SYNE4: variants seen among roughly 807,000 people sequenced by gnomAD.
SYNE4 encodes the protein spectrin repeat containing nuclear envelope family member 4.
A neutral mutation model predicts 46.9 loss-of-function variants in SYNE4; 41 were observed. The ratio of observed to expected loss-of-function variants is 0.87; its 90% CI spans 0.68 to 1.13. The LOEUF is 1.13. SYNE4 is among the 50% of genes most tolerant of loss of function. SYNE4 has a pLI of 0.00. For synonymous variants in SYNE4, 221 were observed against 219.5 expected (o/e 1.01, Z -0.06); for missense variants, 492 against 514.8 (o/e 0.96, Z 0.43).
At position 36,007,217 on chromosome 19, in the gene SYNE4, G is replaced by A. The variant is rs1243412433; in HGVS notation, c.331C>T (p.Leu111=). 4 of 1,589,122 alleles carry A rather than the reference G, an allele frequency of 2.5e-6. No individual in the cohort carries two copies. The Admixed American group carries it at 7.2e-5, about 28-fold the overall frequency. Residue 111 remains leucine (L), a synonymous_variant, in exon 3 of 8, where the codon CTG becomes TTG. Coordinates refer to ENST00000324444, the MANE Select transcript of SYNE4 (RefSeq NM_001039876.3). ...VLEAEQNSLH[L]CLLGLGRRLQ... ...CGGCGGCCCAGCCCCAGCAGGCACA[G>A]GTGCAGGCTGTTCTGCTCAGCCTCT... is the stretch of plus-strand genomic sequence containing the variant.
chr19:36,007,737 A>G (rs555344618), intron 2 of SYNE4, among the ~76,000 whole-genome samples: 5 of 152,050 alleles, frequency 3.3e-5, no homozygotes, highest in African/African-American at 1.2e-4. Context: ...ATAAAAAAGA[A>G]ATATGGCTGG....
chr19:36,005,467 G>A (rs1227522423), intron 5 of SYNE4, 30 bp from the exon 6 acceptor site: 2 of 1,607,634 alleles, frequency 1.2e-6, no homozygotes, highest in Non-Finnish European at 1.7e-6. Context: ...GAAAAACGTG[G>A]TTGGGGGAGG....
chr19:36,008,432 C>A (rs1361094115), intron 1 of SYNE4, 65 bp from the exon 2 acceptor site: 1 of 1,579,360 alleles, frequency 6.3e-7, no homozygotes, highest in Non-Finnish European at 8.6e-7. Context: ...ACCGTCACCC[C>A]AACCCTGGTG....
At chr19:36,006,712 G>A (rs1976864438) in intron 4 of SYNE4, 38 bp downstream of exon 4, 1 of 1,590,022 alleles carries the variant, frequency 6.3e-7, no homozygotes, top group Admixed American at 1.7e-5. Context: ...ATGAGGTTGG[G>A]GCCTGGGTTG....
In SYNE4 at chr19:36,003,646, TGAG is replaced by T. The variant is rs1438579405; in HGVS notation, c.995_997del (p.Pro332del). On this transcript the variant is annotated inframe_deletion, in exon 7 of 8. Coordinates refer to ENST00000324444, the MANE Select transcript of SYNE4 (RefSeq NM_001039876.3). ...CCCCTCCAGCCTCACATCCTGGAGA[TGAG>T]GAGATGCTTGCCTCTTCTTGTCCTA... 2.5e-6 allele frequency: 4 copies of T among 1,613,288 alleles called. No individual in the cohort carries two copies. Among genetic ancestry groups the T allele is most frequent in the South Asian group, 2.2e-5 (2 of 90,750 alleles).
At chr19:36,005,218 C>T (rs1415048318) in intron 6 of SYNE4, 115 bp downstream of exon 6, 9 of 1,032,752 alleles carry the variant, frequency 8.7e-6, no homozygotes, top group South Asian at 7.4e-5. Flanking sequence ...TGGACCTTTC[C>T]ATTACTTTTT....
Position 36,006,881 on chromosome 19 carries a change from C to A in SYNE4, c.487G>T (p.Gly163Trp). 1 of 1,567,858 alleles carries A rather than the reference C, an allele frequency of 6.4e-7. No homozygotes were observed. Among genetic ancestry groups the A allele is most frequent in the Non-Finnish European group, 8.6e-7 (1 of 1,157,008 alleles). Residue 163 changes from glycine to tryptophan, a missense_variant, in exon 4 of 8, where the codon GGG becomes TGG. Transcript: ENST00000324444. ...CTGGGCTCACTCCGCTGTGCCAGCC[C>A]CTCACCAAACGCTAGCAGCGCCTCC... ...RVEALLAFGE[G>W]LAQRSEPRAW...
In SYNE4 at chr19:36,008,632, T is replaced by C. The variant is rs1968478021; in HGVS notation, c.50A>G (p.Asn17Ser). ...LGPRLGSEPL[N>S]HPPGAPREAD... Reference sequence around the variant, plus strand: ...CTCTCTAGGTGCTCCCGGTGGGTGGTTGAGGGGCTCTGAGCCAAGTCTAGG... The same window carrying C: ...CTCTCTAGGTGCTCCCGGTGGGTGGCTGAGGGGCTCTGAGCCAAGTCTAGG... Residue 17 changes from asparagine to serine, a missense_variant, in exon 1 of 8, where the codon AAC (asparagine) becomes AGC (serine). By Grantham distance (46) the Asn-to-Ser change is conservative. Transcript: ENST00000324444. 2 of 1,613,928 alleles carry C rather than the reference T, an allele frequency of 1.2e-6. No homozygotes were observed. Among genetic ancestry groups the C allele is most frequent in the African/African-American group, 1.3e-5 (1 of 75,012 alleles).
intron 7 of SYNE4, 44 bp from the exon 8 acceptor site, chr19:36,003,564 C>A: frequency 6.2e-7 from 1 of 1,605,154 alleles, no homozygotes; most frequent in Admixed American, 1.7e-5. Flanking sequence ...TGGGCTGCTG[C>A]TAGGAGCTCT....
At chr19:36,006,067 C>T (rs1019795222) in intron 5 of SYNE4, 11 of 248,612 alleles carry the variant, frequency 4.4e-5, no homozygotes, top group African/African-American at 2.2e-4. Flanking sequence ...CAAAGTCAAG[C>T]TGTGGTGAGT....
rs1359607714 is a variant in SYNE4, at chr19:36,008,250, G to A, written c.246C>T (p.Ser82=). 6.2e-7 allele frequency: 1 copy of A among 1,610,864 alleles called. No homozygotes were observed. The highest frequency in any genetic ancestry group is 1.1e-5 in the South Asian group (1 of 90,630). Residue 82 remains serine, a synonymous_variant, in exon 2 of 8, where the codon TCC becomes TCT. Transcript: ENST00000324444. ...GTTTGCCCCCAGCTGGGTCCTCGTA[G>A]GAAGAGGGTGTTGACCATCTCGGGG... ...AHPPRWSTPS[S]YEDPAGGKHC...
At position 36,006,522 on chromosome 19, in the gene SYNE4, C is replaced by T. The variant is rs1197458027; in HGVS notation, c.768G>A (p.Gly256=). The change falls in exon 5 of 8, where the codon GGG becomes GGA. Residue 256 remains glycine, a synonymous_variant. Coordinates refer to ENST00000324444, the MANE Select transcript of SYNE4 (RefSeq NM_001039876.3). The part of the protein sequence containing the change: ...ELEWDPAGDI[G]GLGPLGQKTA... ...TCTTTTGTCCCAAGGGCCCAAGGCC[C>T]CCAATGTCCCCCGCCGGATCCCACT... 5.0e-6 allele frequency: 8 copies of T among 1,608,012 alleles called. No homozygotes were observed. The highest frequency in any genetic ancestry group is 6.8e-6 in the Non-Finnish European group (8 of 1,177,194).
chr19:36,005,248 C>T, intron 6 of SYNE4, 85 bp downstream of exon 6: 1 of 1,387,302 alleles, frequency 7.2e-7, no homozygotes, highest in Non-Finnish European at 1.0e-6. Context: ...ATAGCATTCC[C>T]TTTCTTGTGC....
Position 36,003,622 on chromosome 19 carries a change from C to G in SYNE4, c.1022G>C (p.Gly341Ala). 7 of 1,613,166 alleles carry G rather than the reference C, an allele frequency of 4.3e-6. No individual in the cohort carries two copies. Among genetic ancestry groups the G allele is most frequent in the Non-Finnish European group, 5.1e-6 (6 of 1,179,694 alleles). The change falls in exon 7 of 8, where the codon GGG (glycine) becomes GCG (alanine). Residue 341 changes from glycine to alanine, a missense_variant. By Grantham distance (60) the Gly-to-Ala change is moderately conservative (BLOSUM62 0). Coordinates refer to ENST00000324444, the MANE Select transcript of SYNE4 (RefSeq NM_001039876.3). The stretch of plus-strand genomic sequence containing the variant: ...CTCTCAGGCACCTCACCCTGGATTC[C>G]CCTCCAGCCTCACATCCTGGAGATG... ...SPHLQDVRLE[G>A]NPGAPDPASR... is the part of the protein sequence containing the mutation.
At chr19:36,005,235 T>G (rs1350733671) in intron 6 of SYNE4, 98 bp downstream of exon 6, 2 of 1,294,926 alleles carry the variant, frequency 1.5e-6, no homozygotes, top group Non-Finnish European at 1.1e-6. Flanking sequence ...TTTTTTTTTT[T>G]TAATAGCATT....
chr19:36,004,909 A>C, intron 6 of SYNE4, among the ~76,000 whole-genome samples: 1 of 115,778 alleles, frequency 8.6e-6, no homozygotes, highest in African/African-American at 3.4e-5. Flanking sequence ...ATGGGGTCTC[A>C]CTATGTTGCT....
Position 36,008,099 on chromosome 19 carries a change from C to G in SYNE4, c.279+118G>C, listed in dbSNP as rs531709699. The G allele has an allele frequency of 5.1e-5, 69 of 1,346,310 alleles. No individual in the cohort carries two copies. The East Asian group carries it at 1.6e-3, about 31-fold the overall frequency. 83.4% of individuals were successfully genotyped at this position (1,346,310 alleles called of 1,614,324 possible). A position where few individuals can be genotyped will look rare whatever the true frequency, so the allele number is the denominator to read the frequency against. On this transcript the variant is annotated intron_variant, in intron 2 of 7. Coordinates refer to ENST00000324444, the MANE Select transcript of SYNE4 (RefSeq NM_001039876.3). ...AACACTTTTCCAGAAGGTCCCTCCC[C>G]CTACAGACACCCAACACCTTTCCAG... is the stretch of plus-strand genomic sequence containing the variant.
At chr19:36,003,741 C>CG in intron 6 of SYNE4, 70 bp from the exon 7 acceptor site, 2 of 1,555,754 alleles carry the variant, frequency 1.3e-6, no homozygotes, top group Admixed American at 1.9e-5. Context: ...TATTTTGAGA[C>CG]GGAGTCTCAC....
intron 5 of SYNE4, 195 bp downstream of exon 5, chr19:36,006,228 G>T: frequency 1.3e-6 from 1 of 752,916 alleles, no homozygotes; most frequent in Non-Finnish European, 2.0e-6. Context: ...GTGAATTTGA[G>T]ATGGGGCTTG....
Sources: allele counts gnomAD v4.1 joint callset (sites outside exome capture counted in the v4.1 genomes callset), GRCh38; gene constraint gnomAD v4.1.1; transcripts MANE v1.5; gene names NCBI Gene and HGNC (gene_info 2026-07-23, HGNC 2026-07-21).